Variants in DCDC1 observed in about 807,000 individuals in gnomAD.
DCDC1 encodes doublecortin domain containing 1.
In DCDC1, 200 loss-of-function variants were observed where a neutral mutation model predicts 178.3. That is an observed-to-expected ratio of 1.12 (90% CI 1.00 to 1.26). The LOEUF is 1.26. Ranked by LOEUF, DCDC1 falls within the 50% of genes most tolerant of loss-of-function variation. The pLI is 0.00. For synonymous variants in DCDC1, 690 were observed against 604.8 expected, an observed-to-expected ratio of 1.14 and a Z score of -2.07; for missense variants, 1,983 against 1,749.2, an observed-to-expected ratio of 1.13 and a Z score of -2.38.
At chr11:31,259,078 C>T (rs1355127837) in intron 8 of DCDC1, among the ~76,000 whole-genome samples, 20 of 152,046 alleles carry the variant, frequency 1.3e-4, no homozygotes, top group Admixed American at 1.1e-3. Flanking sequence ...CCTAAGAGCG[C>T]GGTGGCTCAC....
At position 31,324,901 on chromosome 11, in the gene DCDC1, C is replaced by CA. The variant is rs1049891327; in HGVS notation, c.164+3215dup. Among the ~76,000 whole-genome samples, 161 of 151,816 alleles carry CA rather than the reference C, an allele frequency of 1.1e-3. 3 individuals are homozygous for CA. Among genetic ancestry groups the CA allele is most frequent in the Non-Finnish European group, 3.1e-4 (21 of 67,838 alleles). Reference sequence around the variant, plus strand: ...AAAAAGTAACCTAGATAATGTACAACAAAAAAATGGTTAGTATTTACTTTT... The same window carrying CA: ...AAAAAGTAACCTAGATAATGTACAACAAAAAAAATGGTTAGTATTTACTTTT... On this transcript the variant is annotated intron_variant, in intron 3 of 38. Transcript: ENST00000684477.
intron 9 of DCDC1, among the ~76,000 whole-genome samples, chr11:31,202,296 C>A (rs1035988686): frequency 6.6e-6 from 1 of 152,212 alleles, no homozygotes; most frequent in East Asian, 1.9e-4. Context: ...GGCGCAATGG[C>A]TCACGCCTGT....
chr11:31,062,071 A>G (rs1259021593), intron 20 of DCDC1, among the ~76,000 whole-genome samples: 1 of 152,120 alleles, frequency 6.6e-6, no homozygotes, highest in Non-Finnish European at 1.5e-5. Context: ...AAATAGGCAA[A>G]GCAGGTGAGT....
intron 9 of DCDC1, among the ~76,000 whole-genome samples, chr11:31,174,466 A>G (rs538037488): frequency 6.6e-6 from 1 of 152,262 alleles, no homozygotes; most frequent in South Asian, 2.1e-4. Context: ...GCCGGCAGGC[A>G]CCCCTCAGCA....
At chr11:31,139,403 A>G (rs1190400549) in intron 9 of DCDC1, among the ~76,000 whole-genome samples, 4 of 152,188 alleles carry the variant, frequency 2.6e-5, no homozygotes, top group Admixed American at 6.5e-5. Flanking sequence ...CTCAACTTCC[A>G]CACATGGAAG....
intron 3 of DCDC1, among the ~76,000 whole-genome samples, chr11:31,324,119 A>G (rs1271925654): frequency 2.0e-5 from 3 of 152,124 alleles, no homozygotes; most frequent in African/African-American, 7.2e-5. Context: ...TTGCAACTCA[A>G]TGATTGAATA....
chr11:31,036,528 A>C (rs573194470), intron 20 of DCDC1, among the ~76,000 whole-genome samples: 46 of 152,256 alleles, frequency 3.0e-4, no homozygotes, highest in East Asian at 1.5e-3. Context: ...TCTAAACCCC[A>C]AAAAAATTCA....
intron 9 of DCDC1, among the ~76,000 whole-genome samples, chr11:31,180,189 T>C (rs1250608353): frequency 6.6e-6 from 1 of 152,096 alleles, no homozygotes; most frequent in Non-Finnish European, 1.5e-5. Context: ...AAAGTTACAA[T>C]TAGATAGAAT....
rs34838169 is a variant in DCDC1 at position 31,276,474 on chromosome 11, A to AT, written c.961-10875dup. 4.0e-3 allele frequency among the ~76,000 whole-genome samples: 590 copies of AT among 148,830 alleles called. 3 individuals carry two copies. Among genetic ancestry groups the AT allele is most frequent in the Middle Eastern group, 0.025 (7 of 284 alleles). Reference sequence around the variant, plus strand: ...GAGAAAGGGAATCTGTTTTTATAGAATTTTTTTTTTTGCTAACTGAAAGGC... The same window carrying AT: ...GAGAAAGGGAATCTGTTTTTATAGAATTTTTTTTTTTTGCTAACTGAAAGGC... On this transcript the variant is annotated intron_variant, in intron 7 of 38. Coordinates refer to ENST00000684477, the MANE Select transcript of DCDC1 (RefSeq NM_001387274.1).
chr11:30,974,233 C>A (rs1949979095), intron 20 of DCDC1, among the ~76,000 whole-genome samples: 1 of 146,434 alleles, frequency 6.8e-6, no homozygotes. Flanking sequence ...ACAGTAAAAG[C>A]AGTGCTAAGA....
At chr11:31,109,627 G>C (rs1959073164) in intron 12 of DCDC1, among the ~76,000 whole-genome samples, 1 of 152,126 alleles carries the variant, frequency 6.6e-6, no homozygotes, top group Non-Finnish European at 1.5e-5. Flanking sequence ...GGAGAAAAAG[G>C]GAGCAAGTTA....
intron 9 of DCDC1, among the ~76,000 whole-genome samples, chr11:31,195,803 G>C (rs1970629188): frequency 2.0e-5 from 3 of 151,748 alleles, no homozygotes; most frequent in Non-Finnish European, 2.9e-5. Flanking sequence ...GTGCCTAACA[G>C]CTCCTGGACA....
chr11:30,989,421 C>T (rs1044386785), intron 20 of DCDC1, among the ~76,000 whole-genome samples: 2 of 152,120 alleles, frequency 1.3e-5, no homozygotes, highest in African/African-American at 4.8e-5. Context: ...TCTACTGACT[C>T]CCAGGTTGAA....
At chr11:31,302,112 T>C (rs1325590081) in intron 6 of DCDC1, among the ~76,000 whole-genome samples, 1 of 152,174 alleles carries the variant, frequency 6.6e-6, no homozygotes, top group Admixed American at 6.5e-5. Context: ...CAAAAAGTTT[T>C]AAAGACAATC....
intron 17 of DCDC1, among the ~76,000 whole-genome samples, chr11:31,090,365 C>G (rs550610780): frequency 3.3e-5 from 5 of 152,098 alleles, no homozygotes; most frequent in African/African-American, 1.2e-4. Flanking sequence ...GGTTATAGGG[C>G]CTGACTGCTT....
chr11:31,101,964 C>T (rs1021210540), intron 15 of DCDC1, among the ~76,000 whole-genome samples: 5 of 151,920 alleles, frequency 3.3e-5, no homozygotes, highest in Admixed American at 2.6e-4. Context: ...GTAGACCCAG[C>T]TACCTGAAAG....
chr11:31,365,631 G>A (rs1053390595), intron 1 of DCDC1, among the ~76,000 whole-genome samples: 4 of 152,004 alleles, frequency 2.6e-5, no homozygotes, highest in Non-Finnish European at 4.4e-5. Flanking sequence ...GTTAGTTTAC[G>A]GGCAGGCGTG....
intron 10 of DCDC1, among the ~76,000 whole-genome samples, chr11:31,130,484 G>A (rs923282448): frequency 3.9e-5 from 6 of 152,030 alleles, no homozygotes; most frequent in Non-Finnish European, 7.4e-5. Flanking sequence ...AATAGAAACT[G>A]CTCCTTCAAG....
intron 9 of DCDC1, among the ~76,000 whole-genome samples, chr11:31,198,291 T>G (rs970420726): frequency 6.6e-6 from 1 of 152,034 alleles, no homozygotes; most frequent in African/African-American, 2.4e-5. Context: ...GAATTCTACA[T>G]AGAAAAATGT....
Sources: gnomAD v4.1 joint callset for allele counts (sites outside exome capture counted in the v4.1 genomes callset) on GRCh38, gnomAD v4.1.1 for gene constraint, MANE v1.5 for transcripts, NCBI Gene and HGNC (gene_info 2026-07-23, HGNC 2026-07-21) for gene names.